The following RLN2 variants were observed in gnomAD, a reference collection of about 807,000 sequenced individuals.
RLN2 encodes relaxin 2.
Under a neutral mutation model 7.3 loss-of-function variants are expected in RLN2, and 10 were observed. The ratio of observed to expected loss-of-function variants is 1.36; its 90% CI spans 0.84 to 2.31. The LOEUF (loss-of-function observed/expected upper bound fraction) is 2.31. Among genes scored for constraint, RLN2 ranks in the 30% most tolerant of loss-of-function variants. The pLI is 0.00. For missense variants in RLN2, 298 were observed against 217.6 expected (o/e 1.37, Z -2.32); for synonymous variants, 103 against 82.3 (o/e 1.25, Z -1.36).
chr9:5,313,946 C>A, the RLN2 span, among the ~76,000 whole-genome samples: 1 of 151,986 alleles, frequency 6.6e-6, no homozygotes, highest in African/African-American at 2.4e-5. Flanking sequence ...ACATCAGGAT[C>A]AGTTGGAACC....
chr9:5,319,355 A>G, the RLN2 span, among the ~76,000 whole-genome samples: 2 of 151,990 alleles, frequency 1.3e-5, no homozygotes, highest in South Asian at 4.2e-4. Context: ...TTGAGAAAAG[A>G]ACAAGACGAA....
chr9:5,330,267 G>C, the RLN2 span, among the ~76,000 whole-genome samples: 6 of 152,032 alleles, frequency 3.9e-5, no homozygotes, highest in Non-Finnish European at 7.3e-5. Flanking sequence ...GCAGTGTGTA[G>C]AAGAAAATTT....
chr9:5,299,973 G>T lies in RLN2; in HGVS notation c.*125C>A. 7.5e-6 allele frequency: 4 copies of T among 530,274 alleles called. No individual in the cohort carries two copies. In the South Asian group the frequency reaches 1.6e-4, roughly 21 times the overall value. The allele number at this position is 530,274 out of a possible 1,614,324, so 32.8% of individuals were successfully genotyped here. A position where few individuals can be genotyped will look rare whatever the true frequency, so the allele number is the denominator to read the frequency against. ...TGTTTAGATATTCTAAGAATTGATGGGACCTAATATCTAACAAAGATTCTT... is the reference window on the plus strand; with the variant it reads ...TGTTTAGATATTCTAAGAATTGATGTGACCTAATATCTAACAAAGATTCTT... On this transcript the variant is annotated 3_prime_UTR_variant, in exon 2 of 2. Transcript: ENST00000381627.
Position 5,300,231 on chromosome 9 carries a change from T to C in RLN2, c.425A>G (p.Asp142Gly), listed in dbSNP as rs746901938. ...LIRNRQSEAA[D>G]SSPSELKYLG... ...GTATTTTAATTCTGAAGGACTGCTG[T>C]CTGCGGCTTCACTTTGTCTATTGCG... Residue 142 changes from aspartate (D) to glycine (G), a missense_variant, in exon 2 of 2, where the codon GAC becomes GGC. Coordinates refer to ENST00000381627, the MANE Select transcript of RLN2 (RefSeq NM_134441.3). 5 of 1,614,064 alleles carry C rather than the reference T, an allele frequency of 3.1e-6. No homozygotes were observed. The East Asian group carries it at 6.7e-5, about 22-fold the overall frequency.
At chr9:5,339,249 C>A in the RLN2 span, 2 of 264,870 alleles carry the variant, frequency 7.6e-6, no homozygotes, top group Non-Finnish European at 1.3e-5. Context: ...CCCCGTCGCT[C>A]TGACTGCCTT....
chr9:5,332,375 G>A, the RLN2 span, among the ~76,000 whole-genome samples: 3 of 151,966 alleles, frequency 2.0e-5, no homozygotes, highest in South Asian at 6.2e-4. Flanking sequence ...TTTAAAAATT[G>A]AATAAAGAAA....
chr9:5,335,545 C>T, the RLN2 span: 3 of 1,612,088 alleles, frequency 1.9e-6, no homozygotes, highest in Non-Finnish European at 2.5e-6. Context: ...CAATGAATTC[C>T]AACATGATAA....
the RLN2 span, among the ~76,000 whole-genome samples, chr9:5,321,605 G>A: frequency 6.6e-6 from 1 of 151,866 alleles, no homozygotes; most frequent in East Asian, 1.9e-4. Flanking sequence ...AAGGAAGGAG[G>A]GATGGAGGGA....
chr9:5,299,871 CA>C lies in RLN2; in HGVS notation c.*226del. On this transcript the variant is annotated 3_prime_UTR_variant, in exon 2 of 2. Transcript: ENST00000381627. ...ATAAAAAGACAAAAAGGCTTTTCAG[CA>C]AAAAAATGTGTCATTTAATCACACA... The C allele has an allele frequency of 1.6e-5, 6 of 374,826 alleles. No individual in the cohort carries two copies. The highest frequency in any genetic ancestry group is 1.9e-5 in the Non-Finnish European group (4 of 210,338). 23.2% of individuals were successfully genotyped at this position (374,826 alleles called of 1,614,324 possible).
the RLN2 span, among the ~76,000 whole-genome samples, chr9:5,313,248 T>C: frequency 2.6e-5 from 4 of 152,096 alleles, no homozygotes; most frequent in African/African-American, 9.7e-5. Flanking sequence ...AATATATAGA[T>C]TCTCTGATGT....
At chr9:5,330,922 A>G in the RLN2 span, among the ~76,000 whole-genome samples, 3 of 152,008 alleles carry the variant, frequency 2.0e-5, no homozygotes, top group Admixed American at 6.5e-5. Flanking sequence ...GGGTATCACC[A>G]CTGATCCCAC....
the RLN2 span, chr9:5,335,605 G>A: frequency 6.4e-7 from 1 of 1,565,692 alleles, no homozygotes. Context: ...TTTCTGTTAA[G>A]TTTAAAAAAA....
chr9:5,329,630 C>T, the RLN2 span, among the ~76,000 whole-genome samples: 1 of 149,192 alleles, frequency 6.7e-6, no homozygotes, highest in Non-Finnish European at 1.5e-5. Flanking sequence ...ATAAAACAGA[C>T]TTTAAATCAA....
the RLN2 span, chr9:5,335,631 C>G: frequency 2.2e-6 from 3 of 1,388,654 alleles, no homozygotes; most frequent in Non-Finnish European, 3.0e-6. Context: ...TATGTGAAGG[C>G]GTATTCACGT....
chr9:5,306,522 C>A (rs945156081), upstream of RLN2, among the ~76,000 whole-genome samples: 7 of 152,094 alleles, frequency 4.6e-5, no homozygotes, highest in African/African-American at 7.3e-5. Flanking sequence ...TTGGCCAGCA[C>A]ATATGCCAGA....
chr9:5,317,994 A>ATG, the RLN2 span, among the ~76,000 whole-genome samples: 30 of 64,736 alleles, frequency 4.6e-4, no homozygotes, highest in Middle Eastern at 0.021. Flanking sequence ...TAACAAAACT[A>ATG]TGTGTGTGTG....
the RLN2 span, among the ~76,000 whole-genome samples, chr9:5,331,251 GGCTA>G: frequency 1.3e-5 from 2 of 151,894 alleles, no homozygotes; most frequent in African/African-American, 4.8e-5. Flanking sequence ...CATTTTATGG[GGCTA>G]GCATCATCCT....
the RLN2 span, among the ~76,000 whole-genome samples, chr9:5,325,480 A>AG: frequency 2.0e-4 from 31 of 152,234 alleles, no homozygotes; most frequent in Middle Eastern, 3.4e-3. Flanking sequence ...AGAGCTTAAT[A>AG]AAGCAATAGA....
chr9:5,334,483 T>C, the RLN2 span, among the ~76,000 whole-genome samples: 215 of 152,184 alleles, frequency 1.4e-3, 5 homozygotes, highest in African/African-American at 5.0e-3. Context: ...TTCTAACAAG[T>C]GTTCATACTA....
Sources: allele counts gnomAD v4.1 joint callset (sites outside exome capture counted in the v4.1 genomes callset), GRCh38; gene constraint gnomAD v4.1.1; transcripts MANE v1.5; gene names NCBI Gene and HGNC (gene_info 2026-07-23, HGNC 2026-07-21).